The following SORCS3 variants were observed in gnomAD, a reference collection of about 807,000 sequenced individuals.
SORCS3 encodes sortilin related VPS10 domain containing receptor 3, also known as VPS10 domain-containing receptor SorCS3.
SORCS3 carries 57 observed loss-of-function variants against 146.3 expected under a neutral mutation model. The observed-to-expected ratio is 0.39, with a 90% CI of 0.31 to 0.49. SORCS3 has a LOEUF of 0.49. SORCS3 is among the 20% of genes least tolerant of loss of function. The probability of loss-of-function intolerance (pLI) is 0.92; values close to 1 mark genes in which losing one functional copy is unlikely to be tolerated. For synonymous variants in SORCS3, 653 were observed against 618.5 expected, an observed-to-expected ratio of 1.06 and a Z score of -0.83; for missense variants, 1,341 against 1,575.5, an observed-to-expected ratio of 0.85 and a Z score of 2.52.
chr10:104,801,181 C>G (rs145675878), intron 1 of SORCS3, among the ~76,000 whole-genome samples: 90 of 152,296 alleles, frequency 5.9e-4, no homozygotes, highest in African/African-American at 1.9e-3. Flanking sequence ...CACTTAATCT[C>G]TCTGTGCCCA....
At chr10:104,921,391 G>A (rs1042557993) in intron 3 of SORCS3, among the ~76,000 whole-genome samples, 2 of 152,122 alleles carry the variant, frequency 1.3e-5, no homozygotes, top group Admixed American at 1.3e-4. Context: ...ACTGCCACCT[G>A]CAACTTTGGA....
Position 105,242,576 on chromosome 10 carries a change from ATTTATATATATTTATATATG to A in SORCS3, c.2869-2957_2869-2938del. 2.7e-4 allele frequency among the ~76,000 whole-genome samples: 14 copies of A among 52,218 alleles called. 1 individual carries two copies. The highest frequency in any genetic ancestry group is 2.4e-3 in the South Asian group (3 of 1,270). 34.3% of individuals were successfully genotyped at this position (52,218 alleles called of 152,430 possible). ...TATATACATTTATATATATTTATAT[ATTTATATATATTTATATATG>A]TTTATATACATTTATATATATTTAT... On this transcript the variant is annotated intron_variant, in intron 20 of 26. Coordinates refer to ENST00000369701, the MANE Select transcript of SORCS3 (RefSeq NM_014978.3).
At chr10:104,762,933 T>C (rs1325395074) in intron 1 of SORCS3, among the ~76,000 whole-genome samples, 1 of 152,164 alleles carries the variant, frequency 6.6e-6, no homozygotes, top group African/African-American at 2.4e-5. Flanking sequence ...CAAATACTAG[T>C]GCTCAGACTC....
At chr10:104,689,345 C>T (rs934895223) in intron 1 of SORCS3, among the ~76,000 whole-genome samples, 1 of 151,964 alleles carries the variant, frequency 6.6e-6, no homozygotes, top group South Asian at 2.1e-4. Flanking sequence ...AGGACTCTTA[C>T]TCTTAAGTTC....
chr10:105,092,532 A>G (rs2055717188), intron 6 of SORCS3, among the ~76,000 whole-genome samples: 1 of 152,010 alleles, frequency 6.6e-6, no homozygotes, highest in Non-Finnish European at 1.5e-5. Flanking sequence ...TGTTTTATTT[A>G]CATACCCTAA....
At chr10:104,809,861 C>G (rs2017721528) in intron 1 of SORCS3, among the ~76,000 whole-genome samples, 1 of 152,122 alleles carries the variant, frequency 6.6e-6, no homozygotes, top group African/African-American at 2.4e-5. Context: ...GTCATGTAGC[C>G]TGTTAGTGGT....
At position 105,265,196 on chromosome 10, in the gene SORCS3, G is replaced by A. The variant is rs74898177; in HGVS notation, c.*1822G>A. ...ATTTCTACTGTAAAAAAAAGACAGT[G>A]GTTTTGAAATTGTTGAAAATAAATG... is the stretch of plus-strand genomic sequence containing the variant. On this transcript the variant is annotated 3_prime_UTR_variant, in exon 27 of 27. Coordinates refer to ENST00000369701, the MANE Select transcript of SORCS3 (RefSeq NM_014978.3). 175 of 152,568 alleles carry A rather than the reference G, an allele frequency of 1.1e-3. No homozygotes were observed. Among genetic ancestry groups the A allele is most frequent in the Non-Finnish European group, 2.0e-3 (136 of 68,000 alleles). The allele number at this position is 152,568 out of a possible 1,614,324, so 9.5% of individuals were successfully genotyped here. A position where few individuals can be genotyped will look rare whatever the true frequency, so the allele number is the denominator to read the frequency against.
At chr10:105,155,839 G>A (rs2056203910) in intron 9 of SORCS3, among the ~76,000 whole-genome samples, 1 of 152,080 alleles carries the variant, frequency 6.6e-6, no homozygotes, top group Non-Finnish European at 1.5e-5. Context: ...AATTCCCCTG[G>A]TGGTGTCCTT....
chr10:104,702,208 G>A (rs2016288046), intron 1 of SORCS3, among the ~76,000 whole-genome samples: 1 of 152,146 alleles, frequency 6.6e-6, no homozygotes, highest in South Asian at 2.1e-4. Context: ...AACACACTGT[G>A]TTTTCATATG....
At chr10:105,053,115 T>C (rs2055424036) in intron 5 of SORCS3, among the ~76,000 whole-genome samples, 1 of 152,132 alleles carries the variant, frequency 6.6e-6, no homozygotes, top group South Asian at 2.1e-4. Context: ...GCAAGCTCTC[T>C]GGTGCACTTT....
chr10:104,970,894 AG>A (rs1326621927), intron 3 of SORCS3, among the ~76,000 whole-genome samples: 2 of 152,220 alleles, frequency 1.3e-5, no homozygotes, highest in African/African-American at 4.8e-5. Flanking sequence ...TTATTTTATA[AG>A]GTATGGAAAT....
chr10:105,087,862 T>G (rs984967027), intron 5 of SORCS3, among the ~76,000 whole-genome samples: 2 of 152,246 alleles, frequency 1.3e-5, no homozygotes, highest in African/African-American at 4.8e-5. Flanking sequence ...TAAAAAATAC[T>G]GACACCTTGG....
chr10:104,869,487 T>C (rs1381276685), intron 2 of SORCS3, among the ~76,000 whole-genome samples: 2 of 152,192 alleles, frequency 1.3e-5, no homozygotes, highest in African/African-American at 4.8e-5. Flanking sequence ...CAAATGCTAA[T>C]CTCTTCTGGG....
At chr10:104,658,044 G>A (rs1391757953) in intron 1 of SORCS3, among the ~76,000 whole-genome samples, 1 of 152,164 alleles carries the variant, frequency 6.6e-6, no homozygotes, top group Non-Finnish European at 1.5e-5. Flanking sequence ...AGGAACATAA[G>A]CTTTGCAGCT....
chr10:104,793,757 T>C (rs1303846893), intron 1 of SORCS3, among the ~76,000 whole-genome samples: 2 of 152,204 alleles, frequency 1.3e-5, no homozygotes, highest in African/African-American at 2.4e-5. Flanking sequence ...TTTTGACATA[T>C]GATTGAAGTA....
At chr10:104,952,157 C>T (rs1309854960) in intron 3 of SORCS3, among the ~76,000 whole-genome samples, 1 of 144,982 alleles carries the variant, frequency 6.9e-6, no homozygotes, top group African/African-American at 2.5e-5. Flanking sequence ...TGCACATGCT[C>T]AGGCTCCTTC....
At chr10:105,199,911 C>A (rs575840874) in intron 14 of SORCS3, 88 bp from the exon 15 acceptor site, 9 of 933,890 alleles carry the variant, frequency 9.6e-6, no homozygotes, top group South Asian at 8.8e-5. Flanking sequence ...TGCAGTGAAT[C>A]TCTATCTCCT....
At chr10:105,064,417 AT>A (rs1468428479) in intron 5 of SORCS3, among the ~76,000 whole-genome samples, 1 of 152,142 alleles carries the variant, frequency 6.6e-6, no homozygotes, top group Non-Finnish European at 1.5e-5. Context: ...ATGAGAGGGA[AT>A]TTATTAGGGG....
intron 19 of SORCS3, among the ~76,000 whole-genome samples, chr10:105,220,286 T>A (rs1292750293): frequency 6.6e-6 from 1 of 152,184 alleles, no homozygotes; most frequent in African/African-American, 2.4e-5. Context: ...CAAACATGCT[T>A]GTCCTGAAGC....
Sources: allele counts gnomAD v4.1 joint callset (sites outside exome capture counted in the v4.1 genomes callset), GRCh38; gene constraint gnomAD v4.1.1; transcripts MANE v1.5; gene names NCBI Gene and HGNC (gene_info 2026-07-23, HGNC 2026-07-21).